The following PLBD1 variants were observed in gnomAD, a reference collection of about 807,000 sequenced individuals.
PLBD1 encodes the protein phospholipase B domain containing 1, also known as lysosomal leucine aminopeptidase.
A neutral mutation model predicts 63.0 loss-of-function variants in PLBD1; 60 were observed. The ratio of observed to expected loss-of-function variants is 0.95; its 90% CI spans 0.77 to 1.18. The LOEUF (loss-of-function observed/expected upper bound fraction) is 1.18, where lower values mean the gene tolerates loss of function less well. Ranked by LOEUF, PLBD1 falls within the 50% of genes most tolerant of loss-of-function variation. The pLI, the probability that PLBD1 is intolerant of heterozygous loss-of-function variation, is 0.00. For synonymous variants in PLBD1, 262 were observed against 248.0 expected (o/e 1.06, Z -0.53); for missense variants, 598 against 677.9 (o/e 0.88, Z 1.31).
At chr12:14,549,726 T>C (rs769089047) in intron 2 of PLBD1, among the ~76,000 whole-genome samples, 2 of 152,156 alleles carry the variant, frequency 1.3e-5, no homozygotes, top group Non-Finnish European at 2.9e-5. Flanking sequence ...TGGAGTGCAA[T>C]GGCGCAATCT....
chr12:14,540,129 T>TATATATATATATATATATATAC (rs1418609619), intron 4 of PLBD1, among the ~76,000 whole-genome samples: 8 of 137,116 alleles, frequency 5.8e-5, no homozygotes, highest in Non-Finnish European at 9.4e-5. Context: ...TATATATATA[T>TATATATATATATATATATATAC]ATACTGGCAA....
chr12:14,553,524 T>C, intron 1 of PLBD1, 112 bp from the exon 2 acceptor site: 2 of 877,162 alleles, frequency 2.3e-6, no homozygotes, highest in South Asian at 3.3e-5. Flanking sequence ...TTCCATTCTA[T>C]TAGAATTGGG....
chr12:14,519,739 C>T (rs1289499228), intron 6 of PLBD1, among the ~76,000 whole-genome samples: 3 of 152,010 alleles, frequency 2.0e-5, no homozygotes, highest in Non-Finnish European at 4.4e-5. Context: ...CCAAACCTGT[C>T]AATATCTTGA....
intron 1 of PLBD1, among the ~76,000 whole-genome samples, chr12:14,557,475 C>G (rs1011448229): frequency 1.3e-5 from 2 of 151,856 alleles, no homozygotes; most frequent in Non-Finnish European, 2.9e-5. Flanking sequence ...AAATACTATG[C>G]AGCCATAAAA....
At position 14,560,649 on chromosome 12, in the gene PLBD1, C is replaced by T. The variant is rs148530657; in HGVS notation, c.115+6933G>A. ...TTTGACTCTTCATCGGAGTCACTAA[C>T]GAAATAACTGATTTGTAAATTAAAC... On this transcript the variant is annotated intron_variant, in intron 1 of 10. Coordinates refer to ENST00000240617, the MANE Select transcript of PLBD1 (RefSeq NM_024829.6). Among the ~76,000 whole-genome samples the T allele has an allele frequency of 3.0e-3, 459 of 152,214 alleles. 2 individuals are homozygous for T. Among genetic ancestry groups the T allele is most frequent in the East Asian group, 9.3e-3 (48 of 5,182 alleles).
At chr12:14,507,813 C>T (rs1018527722) in intron 8 of PLBD1, among the ~76,000 whole-genome samples, 1 of 152,174 alleles carries the variant, frequency 6.6e-6, no homozygotes, top group African/African-American at 2.4e-5. Context: ...GTGAAGGCCA[C>T]ATAGCCTACT....
At position 14,535,658 on chromosome 12, in the gene PLBD1, C is replaced by G; in HGVS notation, c.844+1G>C. On this transcript the variant is annotated splice_donor_variant, in intron 6 of 10. Coordinates refer to ENST00000240617, the MANE Select transcript of PLBD1 (RefSeq NM_024829.6). LOFTEE classifies it high-confidence loss of function. ...TCAGATGTTCCTTTAAATTCATTTA[C>G]CTGGGTAACTGCTGAAAGAGAGGCG... The G allele has an allele frequency of 2.5e-6, 4 of 1,613,740 alleles. No individual in the cohort carries two copies. The highest frequency in any genetic ancestry group is 3.4e-6 in the Non-Finnish European group (4 of 1,179,814).
At position 14,516,930 on chromosome 12, in the gene PLBD1, T is replaced by C. The variant is rs1945341732; in HGVS notation, c.845-5219A>G. Among the ~76,000 whole-genome samples, 6 of 152,118 alleles carry C rather than the reference T, an allele frequency of 3.9e-5. No homozygotes were observed. In the South Asian group the frequency reaches 8.3e-4, roughly 21 times the overall value. ...GGCATACGCCTGTGGTCCCAGCTAC[T>C]TGGGAGGCTGAGACACAAGAATCGC... On this transcript the variant is annotated intron_variant, in intron 6 of 10. Transcript: ENST00000240617.
Position 14,567,845 on chromosome 12 carries a change from C to T in PLBD1, c.-149G>A. ...AACTTTCCTCTTTCTTGAGCCCGGC[C>T]TGCTCCGGGCTCTGAGGGGCGAGGA... is the stretch of plus-strand genomic sequence containing the variant. On this transcript the variant is annotated 5_prime_UTR_variant, in exon 1 of 11. Coordinates refer to ENST00000240617, the MANE Select transcript of PLBD1 (RefSeq NM_024829.6). The T allele has an allele frequency of 9.0e-7, 1 of 1,112,416 alleles. No homozygotes were observed. Among genetic ancestry groups the T allele is most frequent in the Non-Finnish European group, 1.2e-6 (1 of 847,400 alleles). The allele number at this position is 1,112,416 out of a possible 1,614,324, so 68.9% of individuals were successfully genotyped here.
At chr12:14,509,825 A>G (rs1164750394) in intron 8 of PLBD1, among the ~76,000 whole-genome samples, 1 of 152,120 alleles carries the variant, frequency 6.6e-6, no homozygotes, top group Non-Finnish European at 1.5e-5. Flanking sequence ...CTAAAACATA[A>G]AGTCTGAACT....
rs1945225897 is a variant in PLBD1, at chr12:14,503,879, CAGGG to C, written c.1551_1554del (p.Pro518PhefsTer26). 6.2e-7 allele frequency: 1 copy of C among 1,613,998 alleles called. No homozygotes were observed. The highest frequency in any genetic ancestry group is 8.5e-7 in the Non-Finnish European group (1 of 1,179,932). ...TTGTTGAAACGGTCCCAGCGAAAAA[CAGGG>C]AGGCCACCTTGTACTGTGGGACCAC... On this transcript the variant is annotated frameshift_variant, in exon 11 of 11. Coordinates refer to ENST00000240617, the MANE Select transcript of PLBD1 (RefSeq NM_024829.6). LOFTEE classifies it high-confidence loss of function.
intron 6 of PLBD1, 82 bp from the exon 7 acceptor site, chr12:14,511,793 C>T: frequency 1.5e-6 from 2 of 1,347,050 alleles, no homozygotes; most frequent in Non-Finnish European, 1.0e-6. Flanking sequence ...GCTTTACATA[C>T]ACAATGCATT....
intron 2 of PLBD1, among the ~76,000 whole-genome samples, chr12:14,552,486 C>T (rs1182941734): frequency 1.3e-5 from 2 of 152,106 alleles, no homozygotes; most frequent in African/African-American, 4.8e-5. Context: ...ATAAATGCAC[C>T]AACCGTTTAT....
rs1003008662 is a variant in PLBD1, at chr12:14,539,175, C to T, written c.558+1589G>A. On this transcript the variant is annotated intron_variant, in intron 4 of 10. Coordinates refer to ENST00000240617, the MANE Select transcript of PLBD1 (RefSeq NM_024829.6). Reference sequence around the variant, plus strand: ...TGTATAATACATCCATACATTGGAACACTGCTTAGAAGAGTGAGGACAGAT... The same window carrying T: ...TGTATAATACATCCATACATTGGAATACTGCTTAGAAGAGTGAGGACAGAT... Among the ~76,000 whole-genome samples, 3 of 151,976 alleles carry T rather than the reference C, an allele frequency of 2.0e-5. No individual in the cohort carries two copies. In the East Asian group the frequency reaches 5.8e-4, roughly 29 times the overall value.
At chr12:14,559,661 A>G (rs892067612) in intron 1 of PLBD1, among the ~76,000 whole-genome samples, 2 of 152,164 alleles carry the variant, frequency 1.3e-5, no homozygotes, top group African/African-American at 4.8e-5. Context: ...TTTAACAGCA[A>G]TATCCTCAAA....
chr12:14,539,409 T>C (rs1474197555), intron 4 of PLBD1, among the ~76,000 whole-genome samples: 3 of 151,718 alleles, frequency 2.0e-5, no homozygotes, highest in Non-Finnish European at 4.4e-5. Context: ...ATTTATCATC[T>C]ATATATAATA....
intron 5 of PLBD1, chr12:14,536,071 G>A (rs1038237814): frequency 3.1e-5 from 11 of 357,236 alleles, no homozygotes; most frequent in East Asian, 1.2e-4. Context: ...CAAGGCAGGC[G>A]GATCACTTGA....
chr12:14,548,266 G>A (rs191246709), intron 2 of PLBD1, among the ~76,000 whole-genome samples: 14 of 151,988 alleles, frequency 9.2e-5, no homozygotes, highest in African/African-American at 3.4e-4. Flanking sequence ...AGACCAGCCT[G>A]GCCAGCATGG....
At chr12:14,533,104 A>G (rs1945478992) in intron 6 of PLBD1, 1 of 152,234 alleles carries the variant, frequency 6.6e-6, no homozygotes, top group Admixed American at 6.5e-5. Context: ...AACTCCATCA[A>G]AGAAAAACAA....
Sources: allele counts gnomAD v4.1 joint callset (sites outside exome capture counted in the v4.1 genomes callset), GRCh38; gene constraint gnomAD v4.1.1; transcripts MANE v1.5; gene names NCBI Gene and HGNC (gene_info 2026-07-23, HGNC 2026-07-21).